TBC1D5: variants seen among roughly 807,000 people sequenced by gnomAD.
TBC1D5 encodes the protein TBC1 domain family, member 5.
In TBC1D5, 75 loss-of-function variants were observed where a neutral mutation model predicts 100.3. The observed-to-expected ratio is 0.75, with a 90% CI of 0.62 to 0.91. The LOEUF (loss-of-function observed/expected upper bound fraction) is 0.91. Among genes scored for constraint, TBC1D5 ranks in the 40% least tolerant of loss-of-function variants. TBC1D5 has a pLI of 0.00. For missense variants in TBC1D5, 910 were observed against 942.4 expected (o/e 0.97, Z 0.45); for synonymous variants, 323 against 325.6 (o/e 0.99, Z 0.09).
chr3:17,462,447 C>T (rs2095231454), intron 3 of TBC1D5, among the ~76,000 whole-genome samples: 1 of 151,706 alleles, frequency 6.6e-6, no homozygotes, highest in African/African-American at 2.4e-5. Context: ...TCTCAGCCTC[C>T]TGAATAGCTA....
At chr3:17,604,708 T>C (rs1288133537) in intron 2 of TBC1D5, among the ~76,000 whole-genome samples, 1 of 152,144 alleles carries the variant, frequency 6.6e-6, no homozygotes, top group African/African-American at 2.4e-5. Flanking sequence ...TGAGACAGAG[T>C]CTGGCTGTGT....
intron 3 of TBC1D5, among the ~76,000 whole-genome samples, chr3:17,466,375 T>C (rs532323462): frequency 3.3e-4 from 51 of 152,242 alleles, no homozygotes; most frequent in African/African-American, 1.1e-3. Context: ...GATAGGAAAA[T>C]AGATGAGTAA....
chr3:17,418,531 C>T (rs1450483184), intron 4 of TBC1D5, among the ~76,000 whole-genome samples: 1 of 151,944 alleles, frequency 6.6e-6, no homozygotes, highest in Non-Finnish European at 1.5e-5. Flanking sequence ...TCACTTGAAC[C>T]CAGGAAGTGA....
intron 2 of TBC1D5, among the ~76,000 whole-genome samples, chr3:17,597,532 G>T (rs1340980959): frequency 6.6e-6 from 1 of 152,036 alleles, no homozygotes; most frequent in African/African-American, 2.4e-5. Context: ...GGGAAACTTG[G>T]TTTACATTAT....
intron 1 of TBC1D5, among the ~76,000 whole-genome samples, chr3:17,691,748 C>T (rs960038060): frequency 6.6e-6 from 1 of 150,582 alleles, no homozygotes; most frequent in Non-Finnish European, 1.5e-5. Flanking sequence ...ACCCGTGAGG[C>T]GGAGGTTGCA....
chr3:17,240,803 C>T (rs1171417186), intron 16 of TBC1D5, among the ~76,000 whole-genome samples: 1 of 152,062 alleles, frequency 6.6e-6, no homozygotes, highest in East Asian at 1.9e-4. Context: ...AAAAAAAGTA[C>T]TAGTCAAATT....
intron 2 of TBC1D5, among the ~76,000 whole-genome samples, chr3:17,563,144 T>G (rs1230783957): frequency 6.6e-6 from 1 of 152,204 alleles, no homozygotes; most frequent in African/African-American, 2.4e-5. Flanking sequence ...GATAGAAAGA[T>G]ATTCTTGACT....
chr3:17,432,440 T>G (rs1405977772), intron 3 of TBC1D5, among the ~76,000 whole-genome samples: 2 of 152,182 alleles, frequency 1.3e-5, no homozygotes, highest in Admixed American at 6.5e-5. Flanking sequence ...ATCCATAAAG[T>G]AGCCACATCA....
At chr3:17,401,319 T>C (rs1359103136) in intron 8 of TBC1D5, among the ~76,000 whole-genome samples, 2 of 79,440 alleles carry the variant, frequency 2.5e-5, no homozygotes, top group East Asian at 6.6e-4. Flanking sequence ...TATATATGTA[T>C]GTGTATAATA....
At chr3:17,738,261 C>T (rs537769759) in intron 1 of TBC1D5, among the ~76,000 whole-genome samples, 3 of 152,300 alleles carry the variant, frequency 2.0e-5, no homozygotes, top group South Asian at 2.1e-4. Flanking sequence ...ATAAACTGTA[C>T]AATCTCCAAA....
intron 2 of TBC1D5, among the ~76,000 whole-genome samples, chr3:17,523,128 A>G (rs1207489147): frequency 6.6e-6 from 1 of 152,194 alleles, no homozygotes; most frequent in Non-Finnish European, 1.5e-5. Flanking sequence ...ATCCTATCAG[A>G]CAGGAATCAT....
At chr3:17,583,637 G>A (rs1462299317) in intron 2 of TBC1D5, among the ~76,000 whole-genome samples, 3 of 152,212 alleles carry the variant, frequency 2.0e-5, no homozygotes, top group Non-Finnish European at 2.9e-5. Flanking sequence ...TGAGGCAAGA[G>A]AATCGCTTGA....
At chr3:17,564,010 C>A (rs13089539) in intron 2 of TBC1D5, among the ~76,000 whole-genome samples, 7 of 152,190 alleles carry the variant, frequency 4.6e-5, no homozygotes, top group Admixed American at 1.3e-4. Flanking sequence ...TCTCGATCTC[C>A]TGACCTTGTG....
chr3:17,462,320 T>G (rs548989779), intron 3 of TBC1D5, among the ~76,000 whole-genome samples: 1 of 148,240 alleles, frequency 6.7e-6, no homozygotes, highest in East Asian at 2.0e-4. Flanking sequence ...TTTCGGACCT[T>G]AATTTTTTTT....
chr3:17,483,594 A>ATG (rs963625972), intron 3 of TBC1D5, among the ~76,000 whole-genome samples: 2 of 152,242 alleles, frequency 1.3e-5, no homozygotes, highest in African/African-American at 2.4e-5. Context: ...TCTTATTGAT[A>ATG]TGTATGCAAT....
At chr3:17,713,444 A>G (rs966899928) in intron 1 of TBC1D5, among the ~76,000 whole-genome samples, 3 of 152,128 alleles carry the variant, frequency 2.0e-5, no homozygotes, top group Non-Finnish European at 2.9e-5. Flanking sequence ...GGGTTTCACC[A>G]TGTTAACCAG....
chr3:17,247,997 T>C (rs955202278), intron 16 of TBC1D5, among the ~76,000 whole-genome samples: 3 of 151,834 alleles, frequency 2.0e-5, no homozygotes, highest in Admixed American at 2.0e-4. Context: ...AATTTTTTTT[T>C]TTTTTTTTCT....
At chr3:17,261,752 G>C (rs1170347764) in intron 15 of TBC1D5, among the ~76,000 whole-genome samples, 1 of 151,922 alleles carries the variant, frequency 6.6e-6, no homozygotes, top group African/African-American at 2.4e-5. Context: ...TGAACTCCTG[G>C]AATCAAGTGA....
chr3:17,697,421 A>C (rs1229584151), intron 1 of TBC1D5, among the ~76,000 whole-genome samples: 1 of 152,236 alleles, frequency 6.6e-6, no homozygotes, highest in Non-Finnish European at 1.5e-5. Context: ...AGGATACAAA[A>C]TCAATGTGAA....
Sources: gnomAD v4.1 joint callset for allele counts (sites outside exome capture counted in the v4.1 genomes callset) on GRCh38, gnomAD v4.1.1 for gene constraint, MANE v1.5 for transcripts, NCBI Gene and HGNC (gene_info 2026-07-23, HGNC 2026-07-21) for gene names.